The following OPCML variants were observed in gnomAD, a reference collection of about 807,000 sequenced individuals.
The protein encoded by OPCML is opioid binding protein/cell adhesion molecule like, also known as opioid-binding protein/cell adhesion molecule.
OPCML carries 13 observed loss-of-function variants against 37.8 expected under a neutral mutation model. The ratio of observed to expected loss-of-function variants is 0.34; its 90% CI spans 0.22 to 0.55. The LOEUF is 0.55. OPCML is among the 20% of genes least tolerant of loss of function. The pLI is 0.91. For missense variants in OPCML, 341 were observed against 435.6 expected, an observed-to-expected ratio of 0.78 and a Z score of 1.93; for synonymous variants, 176 against 168.8, an observed-to-expected ratio of 1.04 and a Z score of -0.33.
chr11:132,689,330 G>C (rs936959307), intron 2 of OPCML, among the ~76,000 whole-genome samples: 3 of 152,172 alleles, frequency 2.0e-5, no homozygotes, highest in Non-Finnish European at 4.4e-5. Context: ...AGTTTATAAA[G>C]AGCAAAAATG....
intron 2 of OPCML, among the ~76,000 whole-genome samples, chr11:132,680,468 G>C (rs1015522298): frequency 3.9e-5 from 6 of 152,112 alleles, no homozygotes; most frequent in African/African-American, 1.4e-4. Context: ...CCCACGTGAA[G>C]ACAGATCTGA....
At chr11:132,900,801 A>G (rs1227578369) in intron 2 of OPCML, among the ~76,000 whole-genome samples, 2 of 151,884 alleles carry the variant, frequency 1.3e-5, no homozygotes, top group Non-Finnish European at 1.5e-5. Flanking sequence ...ACTAGTCCAA[A>G]TCTTCCTCTC....
chr11:133,120,450 A>C (rs1949403059), intron 1 of OPCML, among the ~76,000 whole-genome samples: 1 of 152,148 alleles, frequency 6.6e-6, no homozygotes, highest in Admixed American at 6.5e-5. Flanking sequence ...TTTCCCGAGC[A>C]CTTACCCCAT....
At chr11:133,427,913 A>G (rs1386397881) in intron 1 of OPCML, among the ~76,000 whole-genome samples, 1 of 152,206 alleles carries the variant, frequency 6.6e-6, no homozygotes, top group African/African-American at 2.4e-5. Flanking sequence ...ACACACGATT[A>G]TACTCACATC....
chr11:132,762,674 C>G (rs1234272040), intron 2 of OPCML, among the ~76,000 whole-genome samples: 1 of 152,114 alleles, frequency 6.6e-6, no homozygotes, highest in African/African-American at 2.4e-5. Context: ...CCACCAAGCT[C>G]GAGAGTCCTA....
intron 1 of OPCML, among the ~76,000 whole-genome samples, chr11:133,344,551 C>G (rs564049057): frequency 3.3e-5 from 5 of 152,238 alleles, no homozygotes; most frequent in Non-Finnish European, 7.4e-5. Flanking sequence ...TTACAAACTG[C>G]TGCTCACTCT....
intron 1 of OPCML, among the ~76,000 whole-genome samples, chr11:133,028,037 C>A (rs1474192572): frequency 6.6e-6 from 1 of 151,932 alleles, no homozygotes; most frequent in Non-Finnish European, 1.5e-5. Flanking sequence ...GCCTCTCTTT[C>A]AGGTATAAAA....
chr11:132,559,528 G>C (rs139960029), intron 3 of OPCML, among the ~76,000 whole-genome samples: 29 of 152,194 alleles, frequency 1.9e-4, no homozygotes, highest in African/African-American at 7.0e-4. Flanking sequence ...GGGGCATTCT[G>C]CTTTTTATTA....
intron 1 of OPCML, among the ~76,000 whole-genome samples, chr11:133,278,894 G>C (rs12418405): frequency 0.15 from 22,816 of 152,124 alleles, 2,762 homozygotes; most frequent in East Asian, 0.55. Context: ...TGAGAAAACT[G>C]AGACTTCCAG....
rs551396991 is a variant in OPCML at position 133,191,844 on chromosome 11, C to T, written c.62-248834G>A. 2.6e-5 allele frequency among the ~76,000 whole-genome samples: 4 copies of T among 152,224 alleles called. No individual in the cohort carries two copies. The East Asian group carries it at 7.7e-4, about 29-fold the overall frequency. Reference sequence around the variant, plus strand: ...TCTCACAGATGCCCATTAAAACTTCCATTTGTGTGTTGCATGTTGGAACCC... The same window carrying T: ...TCTCACAGATGCCCATTAAAACTTCTATTTGTGTGTTGCATGTTGGAACCC... On this transcript the variant is annotated intron_variant, in intron 1 of 7. Coordinates refer to ENST00000524381, the MANE Select transcript of OPCML (RefSeq NM_001012393.5).
intron 1 of OPCML, among the ~76,000 whole-genome samples, chr11:133,137,481 A>T (rs371125018): frequency 6.6e-4 from 100 of 152,320 alleles, no homozygotes; most frequent in Middle Eastern, 3.4e-3. Flanking sequence ...ACTGACTCAT[A>T]GCACAGAAGG....
At chr11:132,439,959 A>G (rs2136764994) in intron 4 of OPCML, among the ~76,000 whole-genome samples, 1 of 152,262 alleles carries the variant, frequency 6.6e-6, no homozygotes, top group East Asian at 1.9e-4. Flanking sequence ...GATGCCTTAA[A>G]AGCTTCAGAT....
intron 1 of OPCML, among the ~76,000 whole-genome samples, chr11:133,455,366 A>G (rs1329937817): frequency 6.6e-6 from 1 of 152,156 alleles, no homozygotes; most frequent in African/African-American, 2.4e-5. Flanking sequence ...TATGATTCCC[A>G]CATATTCTAC....
intron 2 of OPCML, among the ~76,000 whole-genome samples, chr11:132,681,455 A>AT (rs961636603): frequency 3.3e-5 from 5 of 151,976 alleles, no homozygotes; most frequent in East Asian, 3.9e-4. Flanking sequence ...GCTTGATGGC[A>AT]TTTTTTCAGA....
intron 2 of OPCML, among the ~76,000 whole-genome samples, chr11:132,841,866 A>AAT (rs1941305404): frequency 1.8e-5 from 2 of 111,174 alleles, no homozygotes; most frequent in Non-Finnish European, 2.0e-5. Context: ...ATCTCAAAAA[A>AAT]AAAAAAAAAA....
intron 1 of OPCML, among the ~76,000 whole-genome samples, chr11:133,328,025 T>G (rs562171600): frequency 1.3e-5 from 2 of 152,276 alleles, no homozygotes; most frequent in African/African-American, 4.8e-5. Flanking sequence ...CTCCTATGCT[T>G]ACTAAAAACC....
chr11:133,243,028 G>A (rs1940787417), intron 1 of OPCML, among the ~76,000 whole-genome samples: 1 of 152,150 alleles, frequency 6.6e-6, no homozygotes, highest in Non-Finnish European at 1.5e-5. Context: ...CTCTTTCCCT[G>A]GACTGTCTTT....
chr11:132,644,417 G>T (rs1941035640), intron 3 of OPCML, among the ~76,000 whole-genome samples: 1 of 151,996 alleles, frequency 6.6e-6, no homozygotes, highest in Non-Finnish European at 1.5e-5. Flanking sequence ...GCGGATTTTA[G>T]GTTACCCGGG....
intron 1 of OPCML, chr11:133,422,090 T>C (rs1465436090): frequency 2.1e-6 from 2 of 943,598 alleles, no homozygotes; most frequent in East Asian, 2.3e-4. Flanking sequence ...CTACATTAGG[T>C]GTTTCTCCTA....
Sources: gnomAD v4.1 joint callset for allele counts (sites outside exome capture counted in the v4.1 genomes callset) on GRCh38, gnomAD v4.1.1 for gene constraint, MANE v1.5 for transcripts, NCBI Gene and HGNC (gene_info 2026-07-23, HGNC 2026-07-21) for gene names.